Variants in C1orf87 observed in about 807,000 individuals in gnomAD.
C1orf87 encodes the protein uncharacterized protein C1orf87.
In C1orf87, 58 loss-of-function variants were observed where a neutral mutation model predicts 60.5. The observed-to-expected ratio is 0.96, with a 90% confidence interval of 0.78 to 1.19. C1orf87 has a LOEUF of 1.19. C1orf87 is among the 50% of genes most tolerant of loss of function. The pLI is 0.00. For missense variants in C1orf87, 673 were observed against 638.6 expected (o/e 1.05, Z -0.58); for synonymous variants, 236 against 227.4 (o/e 1.04, Z -0.34).
chr1:60,027,504 G>A (rs1434052530), intron 7 of C1orf87, among the ~76,000 whole-genome samples: 1 of 152,204 alleles, frequency 6.6e-6, no homozygotes, highest in Non-Finnish European at 1.5e-5. Context: ...GCTCCTCTTA[G>A]CAACCATGAG....
chr1:60,028,127 A>C (rs1645212896), intron 7 of C1orf87, among the ~76,000 whole-genome samples: 1 of 152,218 alleles, frequency 6.6e-6, no homozygotes, highest in African/African-American at 2.4e-5. Context: ...AGGTTGGCAA[A>C]AAAATAAAGT....
chr1:60,010,941 A>T (rs1645080434), intron 8 of C1orf87: 1 of 152,120 alleles, frequency 6.6e-6, no homozygotes, highest in African/African-American at 2.4e-5. Flanking sequence ...CTGGCCTCTC[A>T]CCACTGCTTC....
chr1:59,997,746 T>C lies in C1orf87; in HGVS notation c.1343A>G (p.Lys448Arg). The C allele has an allele frequency of 6.2e-7, 1 of 1,613,962 alleles. No individual in the cohort carries two copies. Among genetic ancestry groups the C allele is most frequent in the Non-Finnish European group, 8.5e-7 (1 of 1,179,888 alleles). ...AETSACKDPL[K>R]PLKIRPVSQP... ...GGAGACTGGCCTGATCTTTAAAGGTTTCAGAGGATCTTTGCAGGCTGAAGT... is the reference window on the plus strand; with the variant it reads ...GGAGACTGGCCTGATCTTTAAAGGTCTCAGAGGATCTTTGCAGGCTGAAGT... Residue 448 changes from lysine (K) to arginine (R), a missense_variant, in exon 11 of 12, where the codon AAA (lysine) becomes AGA (arginine). Lys to Arg is a conservative substitution (Grantham distance 26). Coordinates refer to ENST00000371201, the MANE Select transcript of C1orf87 (RefSeq NM_152377.3).
At chr1:60,066,719 C>A (rs1488538647) in intron 2 of C1orf87, among the ~76,000 whole-genome samples, 2 of 151,796 alleles carry the variant, frequency 1.3e-5, no homozygotes, top group Non-Finnish European at 2.9e-5. Context: ...GATACATGTG[C>A]AGAATGTGCA....
At chr1:60,020,911 C>T (rs1205642222) in intron 8 of C1orf87, among the ~76,000 whole-genome samples, 1 of 152,092 alleles carries the variant, frequency 6.6e-6, no homozygotes, top group East Asian at 1.9e-4. Flanking sequence ...AAATTGTAAT[C>T]CCCATGTATT....
chr1:60,065,029 A>ATATATATATATTATATAT (rs1491291377), intron 2 of C1orf87, among the ~76,000 whole-genome samples: 1,527 of 115,974 alleles, frequency 0.013, 45 homozygotes, highest in African/African-American at 0.023. Flanking sequence ...ATATATATTT[A>ATATATATATATTATATAT]ATATATATAT....
intron 8 of C1orf87, chr1:60,010,903 TAA>T (rs577598423): frequency 0.16 from 23,771 of 148,888 alleles, 2,032 homozygotes; most frequent in Non-Finnish European, 0.18. Context: ...AATAAATAAA[TAA>T]ATAAATAAAA....
At chr1:60,008,315 A>G (rs1405684564) in intron 9 of C1orf87, among the ~76,000 whole-genome samples, 1 of 152,088 alleles carries the variant, frequency 6.6e-6, no homozygotes, top group East Asian at 1.9e-4. Flanking sequence ...TGAGTCAGAG[A>G]GAAATAAAAT....
At chr1:60,026,857 C>T (rs1274576710) in intron 7 of C1orf87, among the ~76,000 whole-genome samples, 7 of 152,254 alleles carry the variant, frequency 4.6e-5, no homozygotes, top group South Asian at 2.1e-4. Flanking sequence ...ACACAAACCT[C>T]GTTTCATGCA....
chr1:60,028,597 T>C (rs1352441888), intron 7 of C1orf87, among the ~76,000 whole-genome samples: 2 of 152,202 alleles, frequency 1.3e-5, no homozygotes, highest in African/African-American at 4.8e-5. Context: ...GAAATAAACA[T>C]TCATTTCCCC....
chr1:60,068,663 C>T (rs1264242442), intron 2 of C1orf87, among the ~76,000 whole-genome samples: 3 of 152,156 alleles, frequency 2.0e-5, no homozygotes, highest in South Asian at 2.1e-4. Context: ...GTAATCTTGT[C>T]AATGATGAGA....
intron 8 of C1orf87, among the ~76,000 whole-genome samples, chr1:60,013,143 A>C (rs1645100721): frequency 6.6e-6 from 1 of 152,124 alleles, no homozygotes; most frequent in African/African-American, 2.4e-5. Context: ...CTTACATCAC[A>C]CTGAGTCCCT....
chr1:60,043,457 C>G (rs1345595550), intron 3 of C1orf87, among the ~76,000 whole-genome samples: 2 of 152,166 alleles, frequency 1.3e-5, no homozygotes, highest in Non-Finnish European at 2.9e-5. Context: ...TCTCGGCTCA[C>G]TGCAACTTCC....
intron 9 of C1orf87, among the ~76,000 whole-genome samples, chr1:60,003,552 G>A (rs914989325): frequency 1.3e-5 from 2 of 152,030 alleles, no homozygotes; most frequent in African/African-American, 4.8e-5. Context: ...TTAACTAATA[G>A]TGTTATCTAG....
chr1:60,038,740 T>C (rs541043164), intron 5 of C1orf87, among the ~76,000 whole-genome samples: 5 of 152,296 alleles, frequency 3.3e-5, no homozygotes, highest in South Asian at 2.1e-4. Flanking sequence ...TCAGATAATC[T>C]GAAGACAAAA....
At chr1:60,035,775 T>A (rs957475718) in intron 6 of C1orf87, among the ~76,000 whole-genome samples, 2 of 152,220 alleles carry the variant, frequency 1.3e-5, no homozygotes, top group Non-Finnish European at 2.9e-5. Context: ...ATTGAGCATC[T>A]TCTGTATGCC....
At chr1:60,051,227 G>A (rs1001574442) in intron 3 of C1orf87, among the ~76,000 whole-genome samples, 4 of 152,106 alleles carry the variant, frequency 2.6e-5, no homozygotes, top group African/African-American at 9.7e-5. Context: ...TTATACCAGG[G>A]AATTGGGATT....
intron 3 of C1orf87, among the ~76,000 whole-genome samples, chr1:60,052,327 A>G (rs1277232597): frequency 7.3e-6 from 1 of 136,752 alleles, no homozygotes; most frequent in African/African-American, 2.6e-5. Flanking sequence ...GAAATGATAT[A>G]AACAATATGT....
intron 9 of C1orf87, chr1:60,008,533 G>A: frequency 1.6e-5 from 4 of 255,438 alleles, no homozygotes; most frequent in South Asian, 1.5e-4. Flanking sequence ...TGTTAGGGTG[G>A]GCTGTAATCC....
Sources: allele counts gnomAD v4.1 joint callset (sites outside exome capture counted in the v4.1 genomes callset), GRCh38; gene constraint gnomAD v4.1.1; transcripts MANE v1.5; gene names NCBI Gene and HGNC (gene_info 2026-07-23, HGNC 2026-07-21).